Variants in EPHA5 observed in about 807,000 individuals in gnomAD.
EPHA5 encodes ephrin type-A receptor 5.
Under a neutral mutation model 105.0 loss-of-function variants are expected in EPHA5, and 60 were observed. That is an observed-to-expected ratio of 0.57 (90% CI 0.46 to 0.71). The LOEUF is 0.71. Among genes scored for constraint, EPHA5 ranks in the 30% least tolerant of loss-of-function variants. The pLI is 0.00. For synonymous variants in EPHA5, 513 were observed against 449.1 expected, an observed-to-expected ratio of 1.14 and a Z score of -1.80; for missense variants, 1,218 against 1,274.7, an observed-to-expected ratio of 0.96 and a Z score of 0.68.
intron 3 of EPHA5, among the ~76,000 whole-genome samples, chr4:65,527,368 A>G (rs1414306804): frequency 6.6e-6 from 1 of 152,132 alleles, no homozygotes; most frequent in African/African-American, 2.4e-5. Context: ...ATATTTGTCA[A>G]TTCCATAAAG....
chr4:65,669,777 G>A lies in EPHA5; in HGVS notation c.-35C>T, dbSNP rs1486939127. The A allele has an allele frequency of 8.0e-7, 1 of 1,246,900 alleles. No individual in the cohort carries two copies. Among genetic ancestry groups the A allele is most frequent in the African/African-American group, 1.6e-5 (1 of 64,502 alleles). The allele number at this position is 1,246,900 out of a possible 1,614,324, so 77.2% of individuals were successfully genotyped here. A position where few individuals can be genotyped will look rare whatever the true frequency, so the allele number is the denominator to read the frequency against. The stretch of plus-strand genomic sequence containing the variant: ...GCCTCCTCCGGTGCCGCTGTCCCGA[G>A]CGGCTCAGTCCACCGCTTCGGCCTC... On this transcript the variant is annotated 5_prime_UTR_variant, in exon 1 of 17. Transcript: ENST00000613740.
intron 11 of EPHA5, among the ~76,000 whole-genome samples, chr4:65,354,693 G>A (rs1723132777): frequency 6.6e-6 from 1 of 151,550 alleles, no homozygotes; most frequent in Admixed American, 6.6e-5. Context: ...ATGACAGCTT[G>A]CATATTTACA....
At chr4:65,437,479 T>A (rs761645565) in intron 5 of EPHA5, among the ~76,000 whole-genome samples, 1 of 152,082 alleles carries the variant, frequency 6.6e-6, no homozygotes, top group African/African-American at 2.4e-5. Context: ...AAAAGACTTT[T>A]CACTTTTTAT....
intron 7 of EPHA5, among the ~76,000 whole-genome samples, chr4:65,410,257 C>T (rs1240241400): frequency 1.3e-5 from 2 of 152,060 alleles, no homozygotes; most frequent in Non-Finnish European, 2.9e-5. Context: ...TGATATACAC[C>T]ACAATCTGGA....
At chr4:65,514,107 C>T (rs1477014389) in intron 3 of EPHA5, among the ~76,000 whole-genome samples, 3 of 152,152 alleles carry the variant, frequency 2.0e-5, no homozygotes, top group Non-Finnish European at 4.4e-5. Flanking sequence ...TAGCTGTTCT[C>T]TCCCATGCTT....
At chr4:65,617,360 A>G (rs1268562646) in intron 2 of EPHA5, among the ~76,000 whole-genome samples, 1 of 152,080 alleles carries the variant, frequency 6.6e-6, no homozygotes, top group Non-Finnish European at 1.5e-5. Context: ...CGCCCTCTCC[A>G]TCACCAGTAT....
intron 1 of EPHA5, among the ~76,000 whole-genome samples, chr4:65,645,197 A>G (rs1748014603): frequency 6.6e-6 from 1 of 152,098 alleles, no homozygotes; most frequent in Admixed American, 6.6e-5. Flanking sequence ...GCTACATTAA[A>G]CTTAAATGCC....
At chr4:65,656,309 A>G (rs1327766566) in intron 1 of EPHA5, among the ~76,000 whole-genome samples, 1 of 151,500 alleles carries the variant, frequency 6.6e-6, no homozygotes, top group Non-Finnish European at 1.5e-5. Context: ...AGTTGGAAAA[A>G]AAAAATGTCA....
intron 3 of EPHA5, among the ~76,000 whole-genome samples, chr4:65,524,903 G>A (rs1490809591): frequency 1.3e-5 from 2 of 151,648 alleles, no homozygotes; most frequent in Admixed American, 6.6e-5. Context: ...TGAGTTTTGT[G>A]TTTACAAGTA....
intron 8 of EPHA5, among the ~76,000 whole-genome samples, chr4:65,367,815 T>C (rs1373148499): frequency 2.0e-5 from 3 of 152,026 alleles, no homozygotes; most frequent in East Asian, 3.9e-4. Flanking sequence ...TCTAATAGTT[T>C]CTTGCCTTCA....
intron 1 of EPHA5, among the ~76,000 whole-genome samples, chr4:65,654,432 A>G (rs1388201164): frequency 2.0e-5 from 3 of 151,846 alleles, no homozygotes; most frequent in Non-Finnish European, 2.9e-5. Context: ...ATATTTATTG[A>G]GTATCTACTT....
chr4:65,574,588 C>A (rs1035577884), intron 3 of EPHA5, among the ~76,000 whole-genome samples: 5 of 120,540 alleles, frequency 4.1e-5, no homozygotes, highest in African/African-American at 6.1e-5. Flanking sequence ...ATGTCTCTCT[C>A]TATATATTGC....
intron 2 of EPHA5, among the ~76,000 whole-genome samples, chr4:65,624,991 A>G (rs922082230): frequency 3.3e-5 from 5 of 152,258 alleles, no homozygotes; most frequent in African/African-American, 1.2e-4. Flanking sequence ...TAAAACAACA[A>G]CCACTTTAGA....
At chr4:65,655,764 G>C (rs1163019809) in intron 1 of EPHA5, among the ~76,000 whole-genome samples, 4 of 152,044 alleles carry the variant, frequency 2.6e-5, no homozygotes, top group African/African-American at 9.7e-5. Context: ...GGTGGGTCCA[G>C]ACACAGCATA....
chr4:65,665,644 T>G (rs1328121255), intron 1 of EPHA5, among the ~76,000 whole-genome samples: 1 of 152,106 alleles, frequency 6.6e-6, no homozygotes, highest in Non-Finnish European at 1.5e-5. Flanking sequence ...GAAGAATATT[T>G]CCAATCAAAG....
chr4:65,492,055 G>T (rs191822539), intron 4 of EPHA5, among the ~76,000 whole-genome samples: 22 of 152,230 alleles, frequency 1.4e-4, no homozygotes, highest in African/African-American at 4.3e-4. Flanking sequence ...TACTTAGGAT[G>T]ATCTGTTATC....
At chr4:65,529,501 G>A (rs949552398) in intron 3 of EPHA5, among the ~76,000 whole-genome samples, 4 of 151,132 alleles carry the variant, frequency 2.6e-5, no homozygotes, top group Non-Finnish European at 5.9e-5. Context: ...ATCCTTCAGA[G>A]AAAGAAAGAA....
intron 5 of EPHA5, among the ~76,000 whole-genome samples, chr4:65,447,040 G>T (rs529963038): frequency 7.1e-6 from 1 of 140,020 alleles, no homozygotes; most frequent in African/African-American, 2.7e-5. Flanking sequence ...AGGCTGGTGT[G>T]CAGTAGCATG....
intron 3 of EPHA5, among the ~76,000 whole-genome samples, chr4:65,531,510 C>A (rs973556485): frequency 6.8e-6 from 1 of 146,046 alleles, no homozygotes; most frequent in Non-Finnish European, 1.5e-5. Flanking sequence ...AGAGGATATA[C>A]TGAGATGTCT....
Sources: gnomAD v4.1 joint callset for allele counts (sites outside exome capture counted in the v4.1 genomes callset) on GRCh38, gnomAD v4.1.1 for gene constraint, MANE v1.5 for transcripts, NCBI Gene and HGNC (gene_info 2026-07-23, HGNC 2026-07-21) for gene names.